Variants in ILRUN observed in about 807,000 individuals in gnomAD.
ILRUN encodes the protein inflammation and lipid regulator with UBA-like and NBR1-like domains.
A neutral mutation model predicts 33.8 loss-of-function variants in ILRUN; 3 were observed. The observed-to-expected ratio is 0.09, with a 90% CI of 0.04 to 0.23. The LOEUF is 0.23. Among genes scored for constraint, ILRUN ranks in the 10% least tolerant of loss-of-function variants. ILRUN has a pLI of 1.00. For missense variants in ILRUN, 210 were observed against 375.1 expected (o/e 0.56, Z 3.64); for synonymous variants, 124 against 138.9 (o/e 0.89, Z 0.75).
intron 1 of ILRUN, among the ~76,000 whole-genome samples, chr6:34,692,131 T>C (rs1763661443): frequency 6.6e-6 from 1 of 152,032 alleles, no homozygotes; most frequent in Non-Finnish European, 1.5e-5. Flanking sequence ...GCCCAGCTAA[T>C]TTTTTTATTT....
At chr6:34,683,419 C>CATATATATACAT (rs1215838890) in intron 1 of ILRUN, among the ~76,000 whole-genome samples, 7 of 78,602 alleles carry the variant, frequency 8.9e-5, no homozygotes, top group Admixed American at 4.8e-4. Flanking sequence ...TATATATATA[C>CATATATATACAT]ATATATATAC....
chr6:34,676,479 G>GCT (rs1763237455), intron 1 of ILRUN, among the ~76,000 whole-genome samples: 1 of 151,704 alleles, frequency 6.6e-6, no homozygotes, highest in African/African-American at 2.4e-5. Context: ...TAGCTAGCTA[G>GCT]ATAGGTAGAT....
In ILRUN at chr6:34,627,377, C is replaced by T. The variant is rs527526377; in HGVS notation, c.511+19224G>A. On this transcript the variant is annotated intron_variant, in intron 3 of 4. Coordinates refer to ENST00000374023, the MANE Select transcript of ILRUN (RefSeq NM_024294.4). ...GTTGCTATAAACATCTGTGTGCAGG[C>T]TTTTGTGTGAATGTAAGTTTTCAAC... Among the ~76,000 whole-genome samples, 200 of 152,256 alleles carry T rather than the reference C, an allele frequency of 1.3e-3. 2 individuals carry two copies. The highest frequency in any genetic ancestry group is 2.4e-3 in the Non-Finnish European group (164 of 68,020).
At chr6:34,629,095 C>T (rs1242231484) in intron 3 of ILRUN, among the ~76,000 whole-genome samples, 1 of 152,166 alleles carries the variant, frequency 6.6e-6, no homozygotes, top group East Asian at 1.9e-4. Context: ...CAGAGCAAGA[C>T]TCTGTTTCAA....
In ILRUN at chr6:34,696,423, C is replaced by A. The variant is rs773005775; in HGVS notation, c.158+23G>T. 5 of 1,554,792 alleles carry A rather than the reference C, an allele frequency of 3.2e-6. No homozygotes were observed. In the South Asian group the frequency reaches 5.8e-5, roughly 18 times the overall value. The stretch of plus-strand genomic sequence containing the variant: ...GGGGCCCCCGAGGCCGCTGCCAGCG[C>A]TGGCACTGCGGGGCCGGCTCACCAG... On this transcript the variant is annotated intron_variant, in intron 1 of 4. Coordinates refer to ENST00000374023, the MANE Select transcript of ILRUN (RefSeq NM_024294.4).
intron 1 of ILRUN, among the ~76,000 whole-genome samples, chr6:34,682,053 TTTC>T (rs1469002720): frequency 6.8e-6 from 1 of 147,770 alleles, no homozygotes; most frequent in Non-Finnish European, 1.5e-5. Flanking sequence ...TTTTTTTTTT[TTTC>T]TAGAGACGGG....
At position 34,683,479 on chromosome 6, in the gene ILRUN, TATATATAC is replaced by T. The variant is rs1447653055; in HGVS notation, c.158+12959_158+12966del. On this transcript the variant is annotated intron_variant, in intron 1 of 4. Coordinates refer to ENST00000374023, the MANE Select transcript of ILRUN (RefSeq NM_024294.4). ...ATATATATACATATATATACACATA[TATATATAC>T]ATATATATATACATATATATATATA... Among the ~76,000 whole-genome samples, 190 of 106,182 alleles carry T rather than the reference TATATATAC, an allele frequency of 1.8e-3. 3 individuals are homozygous for T. Among genetic ancestry groups the T allele is most frequent in the African/African-American group, 8.8e-3 (181 of 20,506 alleles). The allele number at this position is 106,182 out of a possible 152,430, so 69.7% of individuals were successfully genotyped here.
intron 4 of ILRUN, 47 bp from the exon 5 acceptor site, chr6:34,590,647 A>G (rs1378009844): frequency 7.3e-7 from 1 of 1,374,678 alleles, no homozygotes; most frequent in African/African-American, 1.4e-5. Flanking sequence ...TAGCAGTGCA[A>G]CTTGACAACC....
chr6:34,686,277 G>A (rs147141251), intron 1 of ILRUN, among the ~76,000 whole-genome samples: 4,057 of 152,118 alleles, frequency 0.027, 177 homozygotes, highest in East Asian at 0.21. Flanking sequence ...GAGGTGGGCG[G>A]ATCATGAGGT....
chr6:34,613,024 C>T (rs1424389811), intron 3 of ILRUN, among the ~76,000 whole-genome samples: 1 of 150,308 alleles, frequency 6.7e-6, no homozygotes, highest in Non-Finnish European at 1.5e-5. Context: ...GCCTGGGCAA[C>T]AGTGCGAGAC....
intron 1 of ILRUN, among the ~76,000 whole-genome samples, chr6:34,667,459 T>C (rs1279266027): frequency 6.6e-6 from 1 of 152,092 alleles, no homozygotes; most frequent in Non-Finnish European, 1.5e-5. Flanking sequence ...GATAACAACC[T>C]TTTTGCAACC....
chr6:34,654,165 CAAA>C (rs201289435), intron 2 of ILRUN, among the ~76,000 whole-genome samples: 2 of 121,886 alleles, frequency 1.6e-5, no homozygotes, highest in African/African-American at 2.9e-5. Context: ...CTTGTGGTTG[CAAA>C]AAAAAAAAAA....
At chr6:34,666,111 G>A (rs955662782) in intron 1 of ILRUN, among the ~76,000 whole-genome samples, 1 of 152,184 alleles carries the variant, frequency 6.6e-6, no homozygotes, top group Non-Finnish European at 1.5e-5. Context: ...TCTAATATAT[G>A]ATGGGCAAAG....
At position 34,696,164 on chromosome 6, in the gene ILRUN, C is replaced by T. The variant is rs115212107; in HGVS notation, c.158+282G>A. Among the ~76,000 whole-genome samples, 522 of 152,276 alleles carry T rather than the reference C, an allele frequency of 3.4e-3. 3 individuals are homozygous for T. The highest frequency in any genetic ancestry group is 0.012 in the African/African-American group (490 of 41,564). On this transcript the variant is annotated intron_variant, in intron 1 of 4. Transcript: ENST00000374023. ...ATGCCCAAGTCTTTTCCCCTCATCC[C>T]ACGTCCCTTGGCCCCTAATCCTCGA... is the stretch of plus-strand genomic sequence containing the variant.
At chr6:34,691,497 A>G (rs1763649141) in intron 1 of ILRUN, among the ~76,000 whole-genome samples, 1 of 152,210 alleles carries the variant, frequency 6.6e-6, no homozygotes, top group Admixed American at 6.5e-5. Context: ...ATTTGGTTCT[A>G]AATTTAACAA....
intron 1 of ILRUN, among the ~76,000 whole-genome samples, chr6:34,656,756 G>A (rs1280302596): frequency 6.6e-6 from 1 of 152,218 alleles, no homozygotes; most frequent in East Asian, 1.9e-4. Context: ...CAGAAAGGAA[G>A]GCTATAATTA....
chr6:34,607,081 A>G lies in ILRUN; in HGVS notation c.512-177T>C, dbSNP rs571541532. Among the ~76,000 whole-genome samples, 4 of 152,350 alleles carry G rather than the reference A, an allele frequency of 2.6e-5. No individual in the cohort carries two copies. In the East Asian group the frequency reaches 5.8e-4, roughly 22 times the overall value. ...ACATTTGCATTGCATGCATAGCTAC[A>G]TTTTTGGTAATGTCAAATTCAAATT... On this transcript the variant is annotated intron_variant, in intron 3 of 4. Transcript: ENST00000374023.
intron 3 of ILRUN, among the ~76,000 whole-genome samples, chr6:34,612,727 T>C (rs375404376): frequency 2.0e-5 from 3 of 151,946 alleles, no homozygotes; most frequent in African/African-American, 7.2e-5. Context: ...GGCAACATGG[T>C]GAAACCCCAT....
chr6:34,608,002 A>G (rs578186521), intron 3 of ILRUN, among the ~76,000 whole-genome samples: 1 of 152,060 alleles, frequency 6.6e-6, no homozygotes, highest in South Asian at 2.1e-4. Context: ...CAGAGGTGGG[A>G]GGATCGCTTG....
Sources: gnomAD v4.1 joint callset for allele counts (sites outside exome capture counted in the v4.1 genomes callset) on GRCh38, gnomAD v4.1.1 for gene constraint, MANE v1.5 for transcripts, NCBI Gene and HGNC (gene_info 2026-07-23, HGNC 2026-07-21) for gene names.